ERCC2: variants seen among roughly 807,000 people sequenced by gnomAD.
ERCC2 encodes ERCC excision repair 2, TFIIH core complex helicase subunit.
ERCC2 carries 90 observed loss-of-function variants against 99.4 expected under a neutral mutation model. The ratio of observed to expected loss-of-function variants is 0.91; its 90% CI spans 0.76 to 1.08. ERCC2 has a LOEUF of 1.08. Ranked by LOEUF, ERCC2 falls within the 50% of genes least tolerant of loss-of-function variation. ERCC2 has a pLI of 0.00. For missense variants in ERCC2, 993 were observed against 1,038.1 expected (o/e 0.96, Z 0.60); for synonymous variants, 497 against 432.4 (o/e 1.15, Z -1.85).
Position 45,353,132 on chromosome 19 carries a change from G to C in ERCC2, c.1782C>G (p.Ala594=), listed in dbSNP as rs758813841. ...YQEACENGRG[A]ILLSVARGKV... ...TGCCCCGGGCCACTGACAGCAGGAT[G>C]GCCCCGCGGCCATTCTCGCAGGCCT... Residue 594 remains alanine, a synonymous_variant, in exon 19 of 23, where the codon GCC becomes GCG. Transcript: ENST00000391945. 3.1e-6 allele frequency: 5 copies of C among 1,613,576 alleles called. No homozygotes were observed. Among genetic ancestry groups the C allele is most frequent in the Non-Finnish European group, 4.2e-6 (5 of 1,179,930 alleles).
At chr19:45,354,619 G>A (rs1971948910) in intron 17 of ERCC2, 111 bp downstream of exon 17, 2 of 1,441,392 alleles carry the variant, frequency 1.4e-6, no homozygotes, top group East Asian at 2.3e-5. Flanking sequence ...ACACTCTCCT[G>A]TCACACAGGA....
Position 45,350,233 on chromosome 19 carries a change from G to A in ERCC2, c.*1396C>T. Reference sequence around the variant, plus strand: ...GGCTAGGAGTTCAAGACCAGCCTGGGCAACATACCAAGACCCCTGTCTCTA... The same window carrying A: ...GGCTAGGAGTTCAAGACCAGCCTGGACAACATACCAAGACCCCTGTCTCTA... On this transcript the variant is annotated 3_prime_UTR_variant, in exon 23 of 23. Transcript: ENST00000391945. The A allele has an allele frequency of 1.3e-6, 1 of 794,890 alleles. No individual in the cohort carries two copies. The highest frequency in any genetic ancestry group is 2.5e-5 in the Admixed American group (1 of 40,362). The allele number at this position is 794,890 out of a possible 1,614,324, so 49.2% of individuals were successfully genotyped here.
intron 16 of ERCC2, 119 bp downstream of exon 16, chr19:45,355,546 A>T (rs897062559): frequency 2.8e-5 from 27 of 954,492 alleles, no homozygotes; most frequent in Non-Finnish European, 4.6e-5. Context: ...GGCAAGAAGG[A>T]AACTCTGGGC....
Position 45,350,956 on chromosome 19 carries a change from T to G in ERCC2, c.*673A>C. On this transcript the variant is annotated 3_prime_UTR_variant, in exon 23 of 23. Transcript: ENST00000391945. Reference sequence around the variant, plus strand: ...CCTCCCTGCTGCCCTCTTTGCAGAATGAAGAGAGCCATGTCACTCAACACA... The same window carrying G: ...CCTCCCTGCTGCCCTCTTTGCAGAAGGAAGAGAGCCATGTCACTCAACACA... 1.9e-6 allele frequency: 3 copies of G among 1,613,974 alleles called. No homozygotes were observed. Among genetic ancestry groups the G allele is most frequent in the Non-Finnish European group, 2.5e-6 (3 of 1,179,942 alleles).
At position 45,351,152 on chromosome 19, in the gene ERCC2, G is replaced by C. The variant is rs904066218; in HGVS notation, c.*477C>G. On this transcript the variant is annotated 3_prime_UTR_variant, in exon 23 of 23. Coordinates refer to ENST00000391945, the MANE Select transcript of ERCC2 (RefSeq NM_000400.4). ...GTGTCAGAAGAGACCCAGGACAGGA[G>C]CAAAGATGGGTTTTACTTGGGGTAG... 3.1e-6 allele frequency: 5 copies of C among 1,593,176 alleles called. No homozygotes were observed. The highest frequency in any genetic ancestry group is 4.3e-6 in the Non-Finnish European group (5 of 1,168,938).
Position 45,354,755 on chromosome 19 carries a change from C to T in ERCC2, c.1640G>A (p.Ser547Asn). ...CTGCTCATACCAGGAGGCCACGGTG[C>T]TCTCCATGTACTGGTAGCTGGTGAA... The part of the protein sequence containing the change: ...AFFTSYQYME[S>N]TVASWYEQGI... The change falls in exon 17 of 23, where the codon AGC becomes AAC. Residue 547 changes from serine to asparagine, a missense_variant. Physicochemically the swap from Ser to Asn is conservative, Grantham distance 46. Coordinates refer to ENST00000391945, the MANE Select transcript of ERCC2 (RefSeq NM_000400.4). 1 of 1,614,050 alleles carries T rather than the reference C, an allele frequency of 6.2e-7. No homozygotes were observed. The highest frequency in any genetic ancestry group is 8.5e-7 in the Non-Finnish European group (1 of 1,179,972).
intron 12 of ERCC2, among the ~76,000 whole-genome samples, chr19:45,360,295 G>A (rs1376298441): frequency 1.3e-5 from 2 of 151,044 alleles, no homozygotes; most frequent in East Asian, 1.9e-4. Context: ...TGTTAGCCAG[G>A]ATGGTCTTGA....
At chr19:45,367,911 T>A (rs1238631389) in intron 5 of ERCC2, among the ~76,000 whole-genome samples, 1 of 151,788 alleles carries the variant, frequency 6.6e-6, no homozygotes, top group African/African-American at 2.4e-5. Context: ...TTTTTTTTTT[T>A]TTTTAAGACA....
At position 45,365,097 on chromosome 19, in the gene ERCC2, T is replaced by C. The variant is rs751825528; in HGVS notation, c.422A>G (p.Tyr141Cys). The C allele has an allele frequency of 1.9e-6, 3 of 1,614,056 alleles. No individual in the cohort carries two copies. Among genetic ancestry groups the C allele is most frequent in the Non-Finnish European group, 2.5e-6 (3 of 1,179,980 alleles). ...GTCATGCTGGTACTGCGCCCGCACA[T>C]AGGAGGCTGTGAGGCTGTGGCATTT... ...DGKCHSLTAS[Y>C]VRAQYQHDTS... Residue 141 changes from tyrosine (Y) to cysteine (C), a missense_variant, in exon 6 of 23, where the codon TAT (tyrosine) becomes TGT (cysteine). Transcript: ENST00000391945.
At chr19:45,359,515 G>A (rs1972135043) in intron 12 of ERCC2, among the ~76,000 whole-genome samples, 2 of 152,200 alleles carry the variant, frequency 1.3e-5, no homozygotes, top group South Asian at 4.1e-4. Flanking sequence ...AGGATGGGGA[G>A]GGAACACCGG....
In ERCC2 at chr19:45,364,097, G is replaced by GC; in HGVS notation, c.837dup (p.Arg280AlafsTer98). 1 of 1,607,472 alleles carries GC rather than the reference G, an allele frequency of 6.2e-7. No homozygotes were observed. Among genetic ancestry groups the GC allele is most frequent in the Non-Finnish European group, 8.5e-7 (1 of 1,177,562 alleles). ...AGACGCCGGTACTCGTCCCGCAGGC[G>GC]CTGCTCGTCTGTCTCTTTGATCCTG... On this transcript the variant is annotated frameshift_variant, in exon 10 of 23. Coordinates refer to ENST00000391945, the MANE Select transcript of ERCC2 (RefSeq NM_000400.4). LOFTEE classifies it high-confidence loss of function.
At position 45,351,171 on chromosome 19, in the gene ERCC2, G is replaced by T; in HGVS notation, c.*458C>A. The stretch of plus-strand genomic sequence containing the variant: ...ACAGGAGCAAAGATGGGTTTTACTT[G>T]GGGTAGAGGCGAGGGGGTTGGATAG... On this transcript the variant is annotated 3_prime_UTR_variant, in exon 23 of 23. Coordinates refer to ENST00000391945, the MANE Select transcript of ERCC2 (RefSeq NM_000400.4). The T allele has an allele frequency of 1.3e-6, 2 of 1,585,472 alleles. No individual in the cohort carries two copies. The highest frequency in any genetic ancestry group is 1.7e-6 in the Non-Finnish European group (2 of 1,165,270).
Position 45,357,533 on chromosome 19 carries a change from C to A in ERCC2, c.1318G>T (p.Ala440Ser). Reference protein sequence around the residue: ...NPILHFSCMDASLAIKPVFER... With the variant: ...NPILHFSCMDSSLAIKPVFER... ...AATACGGGTTTGATGGCCAGCGAGG[C>A]GTCCATGCAGCTGGAGAGAGATGAG... Residue 440 changes from alanine to serine, a missense_variant, in exon 14 of 23, where the codon GCC becomes TCC. Physicochemically the swap from Ala to Ser is moderately conservative, Grantham distance 99. This residue lies in a region of ERCC2 where 909 missense variants were observed against 930.8 expected (regional missense o/e 0.98). Coordinates refer to ENST00000391945, the MANE Select transcript of ERCC2 (RefSeq NM_000400.4). 6.2e-7 allele frequency: 1 copy of A among 1,614,144 alleles called. No homozygotes were observed. Among genetic ancestry groups the A allele is most frequent in the East Asian group, 2.2e-5 (1 of 44,876 alleles).
At position 45,350,776 on chromosome 19, in the gene ERCC2, C is replaced by T. The variant is rs904917081; in HGVS notation, c.*853G>A. The T allele has an allele frequency of 6.3e-7, 1 of 1,584,362 alleles. No individual in the cohort carries two copies. Among genetic ancestry groups the T allele is most frequent in the Admixed American group, 1.8e-5 (1 of 56,002 alleles). On this transcript the variant is annotated 3_prime_UTR_variant, in exon 23 of 23. Coordinates refer to ENST00000391945, the MANE Select transcript of ERCC2 (RefSeq NM_000400.4). ...AGTGTTGATCAGGTCGGCAAAGAGC[C>T]CTGACATCAGCAGAATCCACAGCCC... is the stretch of plus-strand genomic sequence containing the variant.
chr19:45,363,371 T>G (rs978498859), intron 11 of ERCC2, among the ~76,000 whole-genome samples: 2 of 152,002 alleles, frequency 1.3e-5, no homozygotes, highest in African/African-American at 4.8e-5. Context: ...CCCCCACCAG[T>G]TGGTTCTCAA....
chr19:45,355,561 CAACT>C, intron 16 of ERCC2, 100 bp downstream of exon 16: 1 of 1,059,728 alleles, frequency 9.4e-7, no homozygotes, highest in Non-Finnish European at 1.5e-6. Context: ...CTGGGCTGAG[CAACT>C]AAGGCCAGGG....
intron 1 of ERCC2, 47 bp downstream of exon 1, chr19:45,370,489 G>C: frequency 5.0e-6 from 7 of 1,389,482 alleles, no homozygotes; most frequent in Non-Finnish European, 6.6e-6. Context: ...CCATCTTCAA[G>C]ACCCCCCGCG....
chr19:45,351,043 T>C lies in ERCC2; in HGVS notation c.*586A>G, dbSNP rs185975564. ...GTGAGGGGGACATCTGGGTCAAAAATAGAGGAGGCCATGTGGGTAGGTGCA... is the reference window on the plus strand; with the variant it reads ...GTGAGGGGGACATCTGGGTCAAAAACAGAGGAGGCCATGTGGGTAGGTGCA... On this transcript the variant is annotated 3_prime_UTR_variant, in exon 23 of 23. Coordinates refer to ENST00000391945, the MANE Select transcript of ERCC2 (RefSeq NM_000400.4). The C allele has an allele frequency of 6.3e-4, 1,018 of 1,613,678 alleles. 1 individual carries two copies. Among genetic ancestry groups the C allele is most frequent in the Non-Finnish European group, 8.2e-4 (969 of 1,179,854 alleles).
At position 45,363,982 on chromosome 19, in the gene ERCC2, TCACC is replaced by T. The variant is rs1462280128; in HGVS notation, c.949_949+3del. On this transcript the variant is annotated splice_donor_variant and splice_donor_region_variant and coding_sequence_variant and intron_variant, in exon 10 of 23. Transcript: ENST00000391945. LOFTEE classifies it high-confidence loss of function. ...CTGGGGGGCAGCGGGGGGTCGGGGC[TCACC>T]CTGCAGCACTTCGTCGGGCAGCACG... The T allele has an allele frequency of 7.8e-6, 12 of 1,539,764 alleles. No individual in the cohort carries two copies. Among genetic ancestry groups the T allele is most frequent in the Non-Finnish European group, 1.0e-5 (12 of 1,146,866 alleles).
Sources: allele counts gnomAD v4.1 joint callset (sites outside exome capture counted in the v4.1 genomes callset), GRCh38; gene constraint gnomAD v4.1.1; regional missense constraint gnomAD v4.1.1; transcripts MANE v1.5; gene names NCBI Gene and HGNC (gene_info 2026-07-23, HGNC 2026-07-21).